Variants in PTPRG observed in about 807,000 individuals in gnomAD.
PTPRG encodes protein tyrosine phosphatase receptor type G.
PTPRG carries 102 observed loss-of-function variants against 165.3 expected under a neutral mutation model. The observed-to-expected ratio is 0.62, with a 90% CI of 0.53 to 0.73. The LOEUF (loss-of-function observed/expected upper bound fraction) is 0.73, where lower values mean the gene tolerates loss of function less well. Ranked by LOEUF, PTPRG falls within the 30% of genes least tolerant of loss-of-function variation. The probability of loss-of-function intolerance (pLI) is 0.00; values close to 1 mark genes in which losing one functional copy is unlikely to be tolerated. For synonymous variants in PTPRG, 675 were observed against 669.5 expected (o/e 1.01, Z -0.13); for missense variants, 1,866 against 1,861.4 (o/e 1.00, Z -0.05).
chr3:61,615,894 G>A (rs1701283833), intron 1 of PTPRG, among the ~76,000 whole-genome samples: 1 of 152,170 alleles, frequency 6.6e-6, no homozygotes, highest in African/African-American at 2.4e-5. Flanking sequence ...TGGCCAAGAA[G>A]CTGAGGAGCC....
At chr3:61,995,669 T>C (rs1458182482) in intron 3 of PTPRG, among the ~76,000 whole-genome samples, 1 of 122,486 alleles carries the variant, frequency 8.2e-6, no homozygotes, top group Non-Finnish European at 1.8e-5. Context: ...GCTTTCCGCC[T>C]GCCTGCCCGC....
At chr3:62,206,565 C>T (rs2106849063) in intron 12 of PTPRG, among the ~76,000 whole-genome samples, 1 of 152,140 alleles carries the variant, frequency 6.6e-6, no homozygotes, top group East Asian at 1.9e-4. Context: ...GTGAGGAGGC[C>T]CCCCACAGCC....
chr3:61,736,141 C>T (rs1368317000), intron 1 of PTPRG, among the ~76,000 whole-genome samples: 1 of 151,932 alleles, frequency 6.6e-6, no homozygotes, highest in African/African-American at 2.4e-5. Context: ...CTCCTGAGCT[C>T]AGGCAATCCG....
chr3:61,803,958 G>A (rs1276379692), intron 2 of PTPRG, among the ~76,000 whole-genome samples: 1 of 152,194 alleles, frequency 6.6e-6, no homozygotes, highest in African/African-American at 2.4e-5. Context: ...CCTTAGAGTT[G>A]ATTTATGGTT....
intron 4 of PTPRG, among the ~76,000 whole-genome samples, chr3:62,068,471 GGTTT>G (rs920194808): frequency 1.3e-5 from 2 of 150,680 alleles, no homozygotes; most frequent in Non-Finnish European, 2.9e-5. Context: ...ACTCTGTTTT[GGTTT>G]GTTTGTTTGT....
intron 1 of PTPRG, among the ~76,000 whole-genome samples, chr3:61,667,544 G>A (rs562734523): frequency 1.3e-5 from 2 of 152,222 alleles, no homozygotes; most frequent in African/African-American, 4.8e-5. Flanking sequence ...TTGCTTCTCA[G>A]AACAGTTCTA....
At chr3:61,999,069 T>C (rs2041108797) in intron 3 of PTPRG, among the ~76,000 whole-genome samples, 3 of 152,026 alleles carry the variant, frequency 2.0e-5, no homozygotes, top group Non-Finnish European at 4.4e-5. Flanking sequence ...TTTTTTTGGA[T>C]GATATCTCAT....
At chr3:62,110,976 C>T (rs1702649009) in intron 5 of PTPRG, among the ~76,000 whole-genome samples, 1 of 152,130 alleles carries the variant, frequency 6.6e-6, no homozygotes, top group Non-Finnish European at 1.5e-5. Flanking sequence ...AGCAGGAGAG[C>T]TTGTGGAATG....
intron 12 of PTPRG, among the ~76,000 whole-genome samples, chr3:62,205,887 C>G (rs181335485): frequency 6.6e-6 from 1 of 152,106 alleles, no homozygotes; most frequent in Admixed American, 6.5e-5. Flanking sequence ...CAGGCCTCTG[C>G]GTGGAGATGA....
intron 1 of PTPRG, among the ~76,000 whole-genome samples, chr3:61,681,999 A>G (rs919765080): frequency 6.6e-6 from 1 of 151,968 alleles, no homozygotes; most frequent in Non-Finnish European, 1.5e-5. Flanking sequence ...AAAATACAAA[A>G]ATTAGCCAGG....
intron 1 of PTPRG, among the ~76,000 whole-genome samples, chr3:61,680,316 G>A (rs1435377104): frequency 2.0e-5 from 3 of 152,042 alleles, no homozygotes; most frequent in Admixed American, 6.6e-5. Context: ...CAGGGTAGGT[G>A]GAGGTGTGAA....
At chr3:61,915,549 CTTA>C (rs575274937) in intron 2 of PTPRG, among the ~76,000 whole-genome samples, 92 of 152,264 alleles carry the variant, frequency 6.0e-4, no homozygotes, top group African/African-American at 2.2e-3. Flanking sequence ...TTGTCATCAT[CTTA>C]TTATTCTTTG....
intron 2 of PTPRG, among the ~76,000 whole-genome samples, chr3:61,980,434 C>A (rs2040613752): frequency 1.3e-5 from 2 of 152,080 alleles, no homozygotes; most frequent in Non-Finnish European, 1.5e-5. Flanking sequence ...TAAATGAGAT[C>A]TTTAAAACCT....
At chr3:62,138,685 C>T (rs558999517) in intron 6 of PTPRG, among the ~76,000 whole-genome samples, 2 of 141,436 alleles carry the variant, frequency 1.4e-5, no homozygotes, top group East Asian at 2.1e-4. Flanking sequence ...CGCCATTGTA[C>T]TCCAGCCTCA....
In PTPRG at chr3:62,167,917, GTGTTTTTTGTGT is replaced by G. The variant is rs1705057085; in HGVS notation, c.841-45_841-34del. The G allele has an allele frequency of 6.0e-6, 9 of 1,500,174 alleles. No individual in the cohort carries two copies. In the South Asian group the frequency reaches 9.2e-5, roughly 15 times the overall value. The allele number at this position is 1,500,174 out of a possible 1,614,324, so 92.9% of individuals were successfully genotyped here. ...ACCAAATAGCTTTTCTAATTGATGTGTGTTTTTTGTGTTGTTTTTTTTTTCCCCCTCCCCTCT... is the reference window on the plus strand; with the variant it reads ...ACCAAATAGCTTTTCTAATTGATGTGTGTTTTTTTTTTCCCCCTCCCCTCT... On this transcript the variant is annotated intron_variant, in intron 7 of 29. Coordinates refer to ENST00000474889, the MANE Select transcript of PTPRG (RefSeq NM_002841.4).
intron 12 of PTPRG, among the ~76,000 whole-genome samples, chr3:62,211,234 G>A (rs1700350640): frequency 6.6e-6 from 1 of 152,228 alleles, no homozygotes; most frequent in Non-Finnish European, 1.5e-5. Context: ...AGGACATTAT[G>A]CTAAGTGCAA....
At chr3:61,939,099 A>C (rs1224389273) in intron 2 of PTPRG, among the ~76,000 whole-genome samples, 1 of 152,178 alleles carries the variant, frequency 6.6e-6, no homozygotes, top group Non-Finnish European at 1.5e-5. Flanking sequence ...CGATGTCCAC[A>C]CTCACCATTT....
chr3:61,923,220 A>G (rs797020461), intron 2 of PTPRG, among the ~76,000 whole-genome samples: 15 of 152,224 alleles, frequency 9.9e-5, no homozygotes, highest in African/African-American at 3.6e-4. Context: ...AAACTTCACA[A>G]AATTAATCAT....
intron 1 of PTPRG, among the ~76,000 whole-genome samples, chr3:61,564,802 G>T (rs899643826): frequency 8.5e-5 from 13 of 152,130 alleles, no homozygotes; most frequent in Non-Finnish European, 1.9e-4. Context: ...CAGGGATGGG[G>T]CGCGCGTGCC....
Sources: allele counts gnomAD v4.1 joint callset (sites outside exome capture counted in the v4.1 genomes callset), GRCh38; gene constraint gnomAD v4.1.1; transcripts MANE v1.5; gene names NCBI Gene and HGNC (gene_info 2026-07-23, HGNC 2026-07-21).